TMEM108: variants seen among roughly 807,000 people sequenced by gnomAD.
TMEM108 encodes cancer/testis antigen 124.
Under a neutral mutation model 35.1 loss-of-function variants are expected in TMEM108, and 12 were observed. The ratio of observed to expected loss-of-function variants is 0.34; its 90% CI spans 0.22 to 0.55. The LOEUF (loss-of-function observed/expected upper bound fraction) is 0.55. Ranked by LOEUF, TMEM108 falls within the 20% of genes least tolerant of loss-of-function variation. The pLI, the probability that TMEM108 is intolerant of heterozygous loss-of-function variation, is 0.89. For synonymous variants in TMEM108, 287 were observed against 308.6 expected, an observed-to-expected ratio of 0.93 and a Z score of 0.73; for missense variants, 680 against 753.3, an observed-to-expected ratio of 0.90 and a Z score of 1.14.
chr3:133,249,507 A>G (rs765192743), intron 3 of TMEM108, among the ~76,000 whole-genome samples: 1 of 152,158 alleles, frequency 6.6e-6, no homozygotes, highest in Non-Finnish European at 1.5e-5. Context: ...TGCCATCTTT[A>G]TGTCCATGAG....
chr3:133,310,530 C>CTTTTTTTTTTTTTTT (rs59215786), intron 3 of TMEM108, among the ~76,000 whole-genome samples: 2 of 22,250 alleles, frequency 9.0e-5, no homozygotes, highest in African/African-American at 1.5e-4. Flanking sequence ...GCAACCCCTG[C>CTTTTTTTTTTTTTTT]TTTTTTTTTT....
chr3:133,141,933 C>T (rs972061642), intron 2 of TMEM108, among the ~76,000 whole-genome samples: 1 of 152,104 alleles, frequency 6.6e-6, no homozygotes, highest in African/African-American at 2.4e-5. Context: ...GATTTCTCAA[C>T]CCTAATACAA....
At chr3:133,093,663 T>C (rs1943975850) in intron 2 of TMEM108, among the ~76,000 whole-genome samples, 2 of 152,216 alleles carry the variant, frequency 1.3e-5, no homozygotes, top group South Asian at 2.1e-4. Context: ...TCTGGAATTA[T>C]GGGGAATTAA....
At chr3:133,158,679 G>A (rs1256615426) in intron 2 of TMEM108, among the ~76,000 whole-genome samples, 2 of 152,156 alleles carry the variant, frequency 1.3e-5, no homozygotes, top group Non-Finnish European at 2.9e-5. Context: ...GAGCCTAAGT[G>A]TGTGCAGTGT....
chr3:133,229,237 G>A (rs1946116952), intron 2 of TMEM108, 29 bp from the exon 3 acceptor site: 2 of 1,442,988 alleles, frequency 1.4e-6, no homozygotes, highest in Non-Finnish European at 1.9e-6. Context: ...TTCCTCAGAT[G>A]TAACAATTTT....
At chr3:133,362,296 G>T (rs1301408532) in intron 3 of TMEM108, among the ~76,000 whole-genome samples, 1 of 152,172 alleles carries the variant, frequency 6.6e-6, no homozygotes, top group African/African-American at 2.4e-5. Context: ...TGTGGGTGGG[G>T]TGAAAAAGGC....
At chr3:133,321,231 A>C (rs566060537) in intron 3 of TMEM108, among the ~76,000 whole-genome samples, 5 of 152,344 alleles carry the variant, frequency 3.3e-5, no homozygotes, top group African/African-American at 9.6e-5. Context: ...GGCAGAATAG[A>C]TAAAAATCCA....
intron 3 of TMEM108, among the ~76,000 whole-genome samples, chr3:133,317,242 T>C (rs1049954920): frequency 6.6e-6 from 1 of 152,212 alleles, no homozygotes; most frequent in Non-Finnish European, 1.5e-5. Context: ...TATGCATTGC[T>C]GTTACTGTAT....
At chr3:133,041,540 A>T (rs541553655) in intron 1 of TMEM108, among the ~76,000 whole-genome samples, 1 of 152,292 alleles carries the variant, frequency 6.6e-6, no homozygotes, top group Admixed American at 6.5e-5. Flanking sequence ...TCTCAAAGAA[A>T]ATAGTTCTGA....
chr3:133,278,355 A>C (rs1302386861), intron 3 of TMEM108, among the ~76,000 whole-genome samples: 1 of 152,260 alleles, frequency 6.6e-6, no homozygotes, highest in Non-Finnish European at 1.5e-5. Flanking sequence ...AAATGGGGAC[A>C]CTGGTGTTCC....
At chr3:133,135,470 C>T (rs1440452134) in intron 2 of TMEM108, among the ~76,000 whole-genome samples, 2 of 152,170 alleles carry the variant, frequency 1.3e-5, no homozygotes, top group Non-Finnish European at 2.9e-5. Flanking sequence ...TGGGCTGGAG[C>T]TTAGGCGCGG....
chr3:133,244,881 G>T (rs752162646), intron 3 of TMEM108, among the ~76,000 whole-genome samples: 9 of 152,200 alleles, frequency 5.9e-5, no homozygotes, highest in Non-Finnish European at 8.8e-5. Flanking sequence ...ACATTCTTGT[G>T]TGTACAACAG....
chr3:133,059,163 A>G (rs1943507342), intron 2 of TMEM108, among the ~76,000 whole-genome samples: 1 of 152,184 alleles, frequency 6.6e-6, no homozygotes, highest in Non-Finnish European at 1.5e-5. Context: ...TACCCTCATG[A>G]CTGAATCGCC....
intron 2 of TMEM108, among the ~76,000 whole-genome samples, chr3:133,176,892 A>G (rs979491307): frequency 4.6e-5 from 7 of 152,256 alleles, no homozygotes; most frequent in Non-Finnish European, 7.4e-5. Context: ...TTTTTTGAAA[A>G]GATCAACAAA....
intron 3 of TMEM108, chr3:133,246,869 A>T (rs779032644): frequency 5.3e-5 from 8 of 152,266 alleles, no homozygotes; most frequent in Non-Finnish European, 1.0e-4. Flanking sequence ...CTCCAAAGGA[A>T]ATTGTTTCAT....
chr3:133,287,032 CTCT>C (rs1222944274), intron 3 of TMEM108, among the ~76,000 whole-genome samples: 1 of 152,116 alleles, frequency 6.6e-6, no homozygotes, highest in Non-Finnish European at 1.5e-5. Flanking sequence ...GAATCCCGTG[CTCT>C]TCTTTGCTGT....
intron 3 of TMEM108, chr3:133,246,252 A>G (rs1946384036): frequency 6.6e-6 from 1 of 152,280 alleles, no homozygotes; most frequent in South Asian, 2.1e-4. Context: ...AGTTGCACCA[A>G]ACTATTAGTT....
chr3:133,395,472 G>A (rs983904357), intron 5 of TMEM108, among the ~76,000 whole-genome samples: 22 of 152,196 alleles, frequency 1.4e-4, no homozygotes, highest in African/African-American at 5.3e-4. Context: ...CTGGGTGCAA[G>A]TGGACTGAGT....
At chr3:133,341,493 C>G (rs1423347817) in intron 3 of TMEM108, among the ~76,000 whole-genome samples, 1 of 151,770 alleles carries the variant, frequency 6.6e-6, no homozygotes, top group African/African-American at 2.4e-5. Context: ...TAATGCAATC[C>G]CTATCAAAAT....
Sources: allele counts gnomAD v4.1 joint callset (sites outside exome capture counted in the v4.1 genomes callset), GRCh38; gene constraint gnomAD v4.1.1; transcripts MANE v1.5; gene names NCBI Gene and HGNC (gene_info 2026-07-23, HGNC 2026-07-21).